Variants in STX5 observed in about 807,000 individuals in gnomAD.
The protein encoded by STX5 is syntaxin-5.
Under a neutral mutation model 42.9 loss-of-function variants are expected in STX5, and 15 were observed. The ratio of observed to expected loss-of-function variants is 0.35; its 90% CI spans 0.23 to 0.54. The LOEUF (loss-of-function observed/expected upper bound fraction) is 0.54, where lower values mean the gene tolerates loss of function less well. STX5 is among the 20% of genes least tolerant of loss of function. The pLI is 0.91. For missense variants in STX5, 430 were observed against 455.0 expected, an observed-to-expected ratio of 0.95 and a Z score of 0.50; for synonymous variants, 184 against 173.2, an observed-to-expected ratio of 1.06 and a Z score of -0.49.
intron 8 of STX5, 85 bp downstream of exon 8, chr11:62,824,951 C>A (rs1310539099): frequency 2.1e-6 from 3 of 1,401,790 alleles, no homozygotes; most frequent in Non-Finnish European, 3.0e-6. Flanking sequence ...CACTCTCCTA[C>A]CCAACCCGTG....
At chr11:62,827,058 A>G (rs1301765829) in intron 5 of STX5, 97 bp downstream of exon 5, 2 of 1,191,246 alleles carry the variant, frequency 1.7e-6, no homozygotes, top group Non-Finnish European at 1.2e-6. Context: ...CTCTAAAAAA[A>G]GAAACTTGCT....
At chr11:62,810,584 C>T (rs909016473) in intron 10 of STX5, among the ~76,000 whole-genome samples, 1 of 152,210 alleles carries the variant, frequency 6.6e-6, no homozygotes, top group Non-Finnish European at 1.5e-5. Context: ...GACTGAGCAA[C>T]ATTAGATCAG....
chr11:62,814,557 G>GCCC (rs1012081618), intron 10 of STX5, among the ~76,000 whole-genome samples: 4 of 151,382 alleles, frequency 2.6e-5, no homozygotes, highest in African/African-American at 9.7e-5. Flanking sequence ...CGCCTCCCAG[G>GCCC]TTCAAGAGAT....
chr11:62,819,698 TTTTG>T (rs2084717537), intron 10 of STX5, among the ~76,000 whole-genome samples: 1 of 151,358 alleles, frequency 6.6e-6, no homozygotes, highest in Non-Finnish European at 1.5e-5. Context: ...CAGCTTGTGT[TTTTG>T]TTTTTGTTTT....
chr11:62,825,207 G>A (rs563493374), intron 7 of STX5, 76 bp downstream of exon 7: 2 of 1,611,372 alleles, frequency 1.2e-6, no homozygotes, highest in African/African-American at 2.7e-5. Flanking sequence ...TGACCCTGTA[G>A]AACTTGTCCC....
intron 8 of STX5, among the ~76,000 whole-genome samples, chr11:62,824,803 A>C (rs2084776934): frequency 6.6e-6 from 1 of 152,298 alleles, no homozygotes; most frequent in East Asian, 1.9e-4. Context: ...TACGAAAAAA[A>C]ATTAGAAATT....
At chr11:62,811,552 T>TC (rs2084616899) in intron 10 of STX5, among the ~76,000 whole-genome samples, 1 of 152,130 alleles carries the variant, frequency 6.6e-6, no homozygotes, top group African/African-American at 2.4e-5. Context: ...GCTTCTCCTT[T>TC]CCCCTTTTTG....
At chr11:62,815,360 C>T (rs77797999) in intron 10 of STX5, among the ~76,000 whole-genome samples, 1,971 of 152,018 alleles carry the variant, frequency 0.013, 21 homozygotes, top group Middle Eastern at 0.044. Context: ...CAGAGTATCG[C>T]TCTGTCGTAA....
rs146070047 is a variant in STX5, at chr11:62,807,501, A to C, written c.1036T>G (p.Phe346Val). 4.7e-5 allele frequency: 76 copies of C among 1,614,126 alleles called. No individual in the cohort carries two copies. The highest frequency in any genetic ancestry group is 2.2e-4 in the Admixed American group (13 of 60,002). The change falls in exon 11 of 11, where the codon TTC becomes GTC. Residue 346 changes from phenylalanine to valine, a missense_variant. By Grantham distance (50) the Phe-to-Val change is conservative. Transcript: ENST00000294179. ...MVKIFLILIVFFIIFVVFLA is the reference protein window; with the variant it reads ...MVKIFLILIVVFIIFVVFLA ...AGGAAGACCACAAAGATGATGAAGA[A>C]GACAATGAGGATGAGGAAGATTTTG...
intron 10 of STX5, among the ~76,000 whole-genome samples, chr11:62,819,524 A>G (rs1247422381): frequency 6.6e-6 from 1 of 151,568 alleles, no homozygotes; most frequent in African/African-American, 2.4e-5. Context: ...ACTTTTTAAT[A>G]CTTTTTTTTT....
In STX5 at chr11:62,827,600, C is replaced by T. The variant is rs370709301; in HGVS notation, c.257G>A (p.Arg86His). 1.2e-4 allele frequency: 186 copies of T among 1,614,102 alleles called. 1 individual carries two copies. Among genetic ancestry groups the T allele is most frequent in the Non-Finnish European group, 1.4e-4 (167 of 1,180,046 alleles). ...NGIQTNKPAL[R>H]AVRQRSEFTL... ...GAATTCACTGCGTTGTCGGACAGCA[C>T]GCAAAGCTGGCTTATTTGTCTGGAT... Residue 86 changes from arginine to histidine, a missense_variant, in exon 3 of 11, where the codon CGT (arginine) becomes CAT (histidine). Coordinates refer to ENST00000294179, the MANE Select transcript of STX5 (RefSeq NM_003164.5).
intron 10 of STX5, among the ~76,000 whole-genome samples, chr11:62,820,351 C>T (rs1182755699): frequency 1.4e-5 from 2 of 147,372 alleles, no homozygotes; most frequent in African/African-American, 2.5e-5. Context: ...CCTGGTAACA[C>T]GACGAGACTC....
intron 10 of STX5, among the ~76,000 whole-genome samples, chr11:62,813,933 T>G (rs2084644945): frequency 6.6e-6 from 1 of 152,078 alleles, no homozygotes. Context: ...TTTCAAGAAT[T>G]CTCCCATCTT....
At chr11:62,811,636 C>T (rs1231914458) in intron 10 of STX5, among the ~76,000 whole-genome samples, 1 of 151,838 alleles carries the variant, frequency 6.6e-6, no homozygotes, top group Non-Finnish European at 1.5e-5. Flanking sequence ...AGGAGCAGTA[C>T]CTACTCTGAG....
chr11:62,823,936 C>T lies in STX5; in HGVS notation c.908+230G>A, dbSNP rs1468280507. 4.5e-5 allele frequency: 26 copies of T among 579,150 alleles called. No individual in the cohort carries two copies. In the East Asian group the frequency reaches 8.2e-4, roughly 18 times the overall value. The allele number at this position is 579,150 out of a possible 1,614,324, so 35.9% of individuals were successfully genotyped here. On this transcript the variant is annotated intron_variant, in intron 10 of 10. Transcript: ENST00000294179. ...ATGCTACAAAGCAGCTCCAGACAGA[C>T]TTTACTGTTCTACTTGCCACTGTAT...
At chr11:62,815,709 G>C (rs2084666180) in intron 10 of STX5, among the ~76,000 whole-genome samples, 1 of 151,680 alleles carries the variant, frequency 6.6e-6, no homozygotes, top group Non-Finnish European at 1.5e-5. Flanking sequence ...GCTGATTTTT[G>C]TATTTTTAGT....
chr11:62,812,726 A>G (rs575380094), intron 10 of STX5, among the ~76,000 whole-genome samples: 2 of 151,964 alleles, frequency 1.3e-5, no homozygotes, highest in East Asian at 3.9e-4. Context: ...CAGACTTAAT[A>G]TTCTAATATT....
intron 10 of STX5, among the ~76,000 whole-genome samples, chr11:62,811,643 T>C (rs925275626): frequency 2.6e-5 from 4 of 151,738 alleles, no homozygotes; most frequent in Non-Finnish European, 5.9e-5. Context: ...GTACCTACTC[T>C]GAGTTCTCTC....
rs766696591 is a variant in STX5 at position 62,827,593 on chromosome 11, G to A, written c.264C>T (p.Val88=). 2 of 1,614,188 alleles carry A rather than the reference G, an allele frequency of 1.2e-6. No homozygotes were observed. The highest frequency in any genetic ancestry group is 2.2e-5 in the East Asian group (1 of 44,890). Residue 88 remains valine (V), a synonymous_variant, in exon 3 of 11, where the codon GTC becomes GTT. Coordinates refer to ENST00000294179, the MANE Select transcript of STX5 (RefSeq NM_003164.5). The part of the protein sequence containing the change: ...IQTNKPALRA[V]RQRSEFTLMA... ...TGAGGGTGAATTCACTGCGTTGTCG[G>A]ACAGCACGCAAAGCTGGCTTATTTG...
Sources: allele counts gnomAD v4.1 joint callset (sites outside exome capture counted in the v4.1 genomes callset), GRCh38; gene constraint gnomAD v4.1.1; transcripts MANE v1.5; gene names NCBI Gene and HGNC (gene_info 2026-07-23, HGNC 2026-07-21).